COL19A1: variants seen among roughly 807,000 people sequenced by gnomAD.
COL19A1 encodes the protein collagen alpha-1(XIX) chain.
COL19A1 carries 159 observed loss-of-function variants against 190.2 expected under a neutral mutation model. That is an observed-to-expected ratio of 0.84 (90% CI 0.73 to 0.95). The LOEUF is 0.95. COL19A1 is among the 40% of genes least tolerant of loss of function. COL19A1 has a pLI of 0.00. For missense variants in COL19A1, 1,418 were observed against 1,431.9 expected, an observed-to-expected ratio of 0.99 and a Z score of 0.16; for synonymous variants, 509 against 458.9, an observed-to-expected ratio of 1.11 and a Z score of -1.39.
At chr6:70,106,632 G>A (rs1582925897) in intron 16 of COL19A1, among the ~76,000 whole-genome samples, 1 of 152,064 alleles carries the variant, frequency 6.6e-6, no homozygotes, top group East Asian at 1.9e-4. Flanking sequence ...GCTTGTCATT[G>A]AACAGTGACT....
At chr6:70,016,633 A>G (rs796302622) in intron 11 of COL19A1, among the ~76,000 whole-genome samples, 25 of 152,192 alleles carry the variant, frequency 1.6e-4, no homozygotes, top group African/African-American at 5.5e-4. Context: ...TGCAAATTAT[A>G]TATCTGATAA....
At position 69,951,738 on chromosome 6, in the gene COL19A1, C is replaced by T. The variant is rs1774134697; in HGVS notation, c.937-8258C>T. On this transcript the variant is annotated intron_variant, in intron 9 of 50. Coordinates refer to ENST00000620364, the MANE Select transcript of COL19A1 (RefSeq NM_001858.6). ...AGCCTTCTTCACATTATTTCATTCA[C>T]TCCTTACAACACCCCTGTGAGGTAA... Among the ~76,000 whole-genome samples, 3 of 151,880 alleles carry T rather than the reference C, an allele frequency of 2.0e-5. No homozygotes were observed. In the South Asian group the frequency reaches 6.2e-4, roughly 31 times the overall value.
intron 1 of COL19A1, among the ~76,000 whole-genome samples, chr6:69,876,629 A>G (rs1219485918): frequency 2.0e-5 from 3 of 152,206 alleles, no homozygotes; most frequent in Non-Finnish European, 4.4e-5. Context: ...TAGCTTTTCC[A>G]CAAGTAGCAG....
intron 16 of COL19A1, among the ~76,000 whole-genome samples, chr6:70,108,618 T>C (rs1784108311): frequency 6.6e-6 from 1 of 152,184 alleles, no homozygotes; most frequent in Admixed American, 6.5e-5. Context: ...ATATAAGTGC[T>C]ATTTCATCAG....
chr6:70,166,143 A>G (rs1480966163), intron 37 of COL19A1, 158 bp downstream of exon 37: 9 of 683,304 alleles, frequency 1.3e-5, no homozygotes, highest in Non-Finnish European at 2.3e-5. Flanking sequence ...AAGAGACCTG[A>G]TTTGTTCTCC....
At chr6:69,973,221 G>T (rs1394832830) in intron 11 of COL19A1, among the ~76,000 whole-genome samples, 2 of 151,938 alleles carry the variant, frequency 1.3e-5, no homozygotes, top group African/African-American at 4.8e-5. Context: ...TTCACTCCAG[G>T]CTCTGGAGCT....
rs146585884 is a variant in COL19A1 at position 70,152,837 on chromosome 6, T to C, written c.2079+1399T>C. Among the ~76,000 whole-genome samples the C allele has an allele frequency of 3.3e-3, 509 of 152,194 alleles. 5 individuals carry two copies. Among genetic ancestry groups the C allele is most frequent in the African/African-American group, 0.012 (498 of 41,514 alleles). On this transcript the variant is annotated intron_variant, in intron 31 of 50. Coordinates refer to ENST00000620364, the MANE Select transcript of COL19A1 (RefSeq NM_001858.6). ...TTATATCATTTCAGAATACTTAGGG[T>C]TCTTTAAGGATGAGAAACTTGTATG...
chr6:69,869,719 A>C (rs34791579), intron 1 of COL19A1, among the ~76,000 whole-genome samples: 25,973 of 152,172 alleles, frequency 0.17, 2,411 homozygotes, highest in East Asian at 0.25. Flanking sequence ...GAAATTGAGA[A>C]TGGTACCGGA....
chr6:70,145,215 C>T lies in COL19A1; in HGVS notation c.1770+208C>T, dbSNP rs545405793. 2.6e-5 allele frequency among the ~76,000 whole-genome samples: 4 copies of T among 152,210 alleles called. No homozygotes were observed. The South Asian group carries it at 8.3e-4, about 32-fold the overall frequency. ...AAAATAAATAGTTCTACAAAAAAGA[C>T]AGATGTATTCGTATGTTCATTGCAA... On this transcript the variant is annotated intron_variant, in intron 25 of 50. Transcript: ENST00000620364.
chr6:69,966,701 C>T (rs1264203235), intron 11 of COL19A1, among the ~76,000 whole-genome samples: 1 of 151,788 alleles, frequency 6.6e-6, no homozygotes, highest in African/African-American at 2.4e-5. Context: ...GCTGACCTTC[C>T]CTCCACTATT....
chr6:69,979,069 T>C (rs1582588257), intron 11 of COL19A1, among the ~76,000 whole-genome samples: 1 of 151,738 alleles, frequency 6.6e-6, no homozygotes, highest in Non-Finnish European at 1.5e-5. Context: ...GTGGAAGAAA[T>C]TGGAGAGGTG....
chr6:69,933,098 T>G (rs528667156), intron 7 of COL19A1, among the ~76,000 whole-genome samples: 2 of 152,242 alleles, frequency 1.3e-5, no homozygotes, highest in South Asian at 4.1e-4. Context: ...TTGAACTCAG[T>G]ATAACTTAAA....
chr6:70,030,322 T>C (rs1268297130), intron 12 of COL19A1, among the ~76,000 whole-genome samples: 1 of 152,132 alleles, frequency 6.6e-6, no homozygotes, highest in Non-Finnish European at 1.5e-5. Flanking sequence ...ATTTTATACC[T>C]ACAAAATAAT....
intron 4 of COL19A1, among the ~76,000 whole-genome samples, chr6:69,908,043 AC>A (rs1770676230): frequency 6.6e-6 from 1 of 152,114 alleles, no homozygotes; most frequent in African/African-American, 2.4e-5. Flanking sequence ...CTCAAATTTC[AC>A]CCCTTATAAA....
chr6:70,109,553 TG>T, intron 16 of COL19A1, among the ~76,000 whole-genome samples: 1 of 149,888 alleles, frequency 6.7e-6, no homozygotes, highest in Middle Eastern at 3.4e-3. Flanking sequence ...TGTGTGTGTG[TG>T]TGTGTGTGTG....
intron 9 of COL19A1, among the ~76,000 whole-genome samples, chr6:69,957,780 A>G (rs1460730579): frequency 6.6e-6 from 1 of 152,186 alleles, no homozygotes; most frequent in Non-Finnish European, 1.5e-5. Context: ...TTATTTTATG[A>G]ATAGAATTAA....
intron 9 of COL19A1, among the ~76,000 whole-genome samples, chr6:69,944,496 G>A (rs1773668427): frequency 6.6e-6 from 1 of 152,026 alleles, no homozygotes; most frequent in African/African-American, 2.4e-5. Context: ...CAATTTGCAA[G>A]GAAAGAATTA....
At chr6:69,878,911 C>A (rs1346854466) in intron 1 of COL19A1, among the ~76,000 whole-genome samples, 1 of 151,996 alleles carries the variant, frequency 6.6e-6, no homozygotes, top group Non-Finnish European at 1.5e-5. Context: ...AAATGATGAA[C>A]CTTTAGGACA....
intron 1 of COL19A1, chr6:69,867,638 G>T (rs1345054908): frequency 6.6e-6 from 1 of 152,270 alleles, no homozygotes; most frequent in East Asian, 1.9e-4. Flanking sequence ...AGGCGGGCGC[G>T]TAAGCGAACC....
Sources: gnomAD v4.1 joint callset for allele counts (sites outside exome capture counted in the v4.1 genomes callset) on GRCh38, gnomAD v4.1.1 for gene constraint, MANE v1.5 for transcripts, NCBI Gene and HGNC (gene_info 2026-07-23, HGNC 2026-07-21) for gene names.